The following PLCB4 variants were observed in gnomAD, a reference collection of about 807,000 sequenced individuals.
PLCB4 encodes the protein phospholipase C beta 4.
In PLCB4, 77 loss-of-function variants were observed where a neutral mutation model predicts 178.8. The ratio of observed to expected loss-of-function variants is 0.43; its 90% confidence interval spans 0.36 to 0.52. The LOEUF (loss-of-function observed/expected upper bound fraction) is 0.52, where lower values mean the gene tolerates loss of function less well. Ranked by LOEUF, PLCB4 falls within the 20% of genes least tolerant of loss-of-function variation. The pLI, the probability that PLCB4 is intolerant of heterozygous loss-of-function variation, is 0.00. For missense variants in PLCB4, 1,024 were observed against 1,453.4 expected (o/e 0.70, Z 4.80); for synonymous variants, 496 against 490.8 (o/e 1.01, Z -0.14).
At chr20:9,294,736 C>G (rs146688768) in intron 3 of PLCB4, among the ~76,000 whole-genome samples, 1 of 152,030 alleles carries the variant, frequency 6.6e-6, no homozygotes, top group African/African-American at 2.4e-5. Flanking sequence ...CTGGATACAC[C>G]GTGGATTCCT....
At chr20:9,392,357 C>T (rs1028929511) in intron 17 of PLCB4, among the ~76,000 whole-genome samples, 1 of 152,178 alleles carries the variant, frequency 6.6e-6, no homozygotes, top group African/African-American at 2.4e-5. Flanking sequence ...TTTAAATACC[C>T]TCTAGAGGTT....
In PLCB4 at chr20:9,358,015, G is replaced by T. The variant is rs542299973; in HGVS notation, c.370-4881G>T. 3.9e-5 allele frequency among the ~76,000 whole-genome samples: 6 copies of T among 152,266 alleles called. No homozygotes were observed. The South Asian group carries it at 1.2e-3, about 32-fold the overall frequency. On this transcript the variant is annotated intron_variant, in intron 7 of 39. Coordinates refer to ENST00000378473, the MANE Select transcript of PLCB4 (RefSeq NM_001377142.1). ...ATTCCATGGTTCTGGGATGAGACCT[G>T]GGACTCTGCATTCCTAACAAGCTCC...
At chr20:9,331,261 T>C (rs993715729) in intron 4 of PLCB4, among the ~76,000 whole-genome samples, 2 of 138,392 alleles carry the variant, frequency 1.4e-5, no homozygotes, top group Non-Finnish European at 2.9e-5. Context: ...TCCTAATGTA[T>C]CTGTCCAGTG....
chr20:9,408,701 G>C lies in PLCB4; in HGVS notation c.1858G>C (p.Ala620Pro). ...SVGLGYLKTH[A>P]IEFVNYNKRQ... ...CGGTCTTGGCTACTTGAAGACACAT[G>C]CAATTGAATTTGTCAAGTATCCTTA... Residue 620 changes from alanine to proline, a missense_variant, in exon 23 of 40, where the codon GCA becomes CCA. This residue lies in a region of PLCB4 where 263 missense variants were observed against 417.4 expected (regional missense o/e 0.63). Coordinates refer to ENST00000378473, the MANE Select transcript of PLCB4 (RefSeq NM_001377142.1). 6.4e-7 allele frequency: 1 copy of C among 1,563,542 alleles called. No homozygotes were observed. The highest frequency in any genetic ancestry group is 8.8e-7 in the Non-Finnish European group (1 of 1,134,274).
chr20:9,138,452 T>C (rs2092426819), intron 2 of PLCB4, among the ~76,000 whole-genome samples: 1 of 152,070 alleles, frequency 6.6e-6, no homozygotes, highest in Non-Finnish European at 1.5e-5. Flanking sequence ...TTTTAAATAC[T>C]GAAAAATGTA....
At chr20:9,285,094 C>A (rs550772218) in intron 3 of PLCB4, among the ~76,000 whole-genome samples, 13 of 150,492 alleles carry the variant, frequency 8.6e-5, no homozygotes, top group African/African-American at 3.2e-4. Flanking sequence ...CATCAAAAAA[C>A]AAGGAACTTT....
chr20:9,349,464 A>G (rs1448185550), intron 7 of PLCB4, among the ~76,000 whole-genome samples: 1 of 152,168 alleles, frequency 6.6e-6, no homozygotes, highest in African/African-American at 2.4e-5. Context: ...GTAACCGCAA[A>G]TCCCCATGAT....
chr20:9,429,334 G>A (rs895400784), intron 28 of PLCB4, among the ~76,000 whole-genome samples: 1 of 152,128 alleles, frequency 6.6e-6, no homozygotes, highest in Non-Finnish European at 1.5e-5. Context: ...ATGCCGATCA[G>A]CACTGGAAAT....
intron 9 of PLCB4, among the ~76,000 whole-genome samples, chr20:9,370,722 A>G (rs2036178508): frequency 1.3e-5 from 2 of 151,994 alleles, no homozygotes; most frequent in South Asian, 2.1e-4. Context: ...AGCCTCACCA[A>G]TATGATGAAA....
At chr20:9,414,993 A>G (rs1157904362) in intron 25 of PLCB4, among the ~76,000 whole-genome samples, 4 of 152,176 alleles carry the variant, frequency 2.6e-5, no homozygotes, top group African/African-American at 7.2e-5. Context: ...TGTATTATAT[A>G]TATTGTGGTT....
At chr20:9,193,101 A>G (rs891537365) in intron 2 of PLCB4, among the ~76,000 whole-genome samples, 2 of 152,220 alleles carry the variant, frequency 1.3e-5, no homozygotes, top group Non-Finnish European at 2.9e-5. Context: ...ATATTTATTG[A>G]GCACCTACCA....
intron 2 of PLCB4, among the ~76,000 whole-genome samples, chr20:9,205,713 C>T (rs1056772966): frequency 6.6e-5 from 10 of 152,260 alleles, no homozygotes; most frequent in South Asian, 6.2e-4. Flanking sequence ...CATTATGACA[C>T]GACCACAGTC....
chr20:9,405,872 A>G (rs1001436245), intron 21 of PLCB4, among the ~76,000 whole-genome samples: 1 of 152,372 alleles, frequency 6.6e-6, no homozygotes, highest in East Asian at 1.9e-4. Flanking sequence ...GCTGACAGCC[A>G]CAGGCAGAAG....
At chr20:9,372,618 T>A (rs2148302520) in intron 11 of PLCB4, among the ~76,000 whole-genome samples, 1 of 152,326 alleles carries the variant, frequency 6.6e-6, no homozygotes, top group South Asian at 2.1e-4. Context: ...CCTGGAACTT[T>A]TTTTTGCATT....
At chr20:9,270,595 A>G (rs889214635) in intron 3 of PLCB4, among the ~76,000 whole-genome samples, 3 of 152,092 alleles carry the variant, frequency 2.0e-5, no homozygotes, top group Non-Finnish European at 4.4e-5. Flanking sequence ...CTTTTATTCA[A>G]ACTCTCCATA....
At chr20:9,151,454 A>G (rs759647376) in intron 2 of PLCB4, among the ~76,000 whole-genome samples, 18 of 152,154 alleles carry the variant, frequency 1.2e-4, no homozygotes, top group Middle Eastern at 3.4e-3. Flanking sequence ...TAATTAAATC[A>G]TGGGGGTTGG....
At chr20:9,258,932 T>G (rs1351361047) in intron 3 of PLCB4, among the ~76,000 whole-genome samples, 1 of 151,792 alleles carries the variant, frequency 6.6e-6, no homozygotes, top group Non-Finnish European at 1.5e-5. Flanking sequence ...CAGTGTAAGC[T>G]CAATAAAACA....
rs1232579284 is a variant in PLCB4, at chr20:9,480,035, A to G, written c.*1026A>G. On this transcript the variant is annotated 3_prime_UTR_variant, in exon 40 of 40. Transcript: ENST00000378473. ...CTATATATATATGTGTATATGAATT[A>G]TGTGGGCATTCTTGATACTTCAAGT... is the stretch of plus-strand genomic sequence containing the variant. 1.3e-5 allele frequency: 2 copies of G among 152,642 alleles called. No homozygotes were observed. The highest frequency in any genetic ancestry group is 2.9e-5 in the Non-Finnish European group (2 of 68,036). 9.5% of individuals were successfully genotyped at this position (152,642 alleles called of 1,614,324 possible).
intron 2 of PLCB4, among the ~76,000 whole-genome samples, chr20:9,115,316 A>G (rs6140864): frequency 0.018 from 2,767 of 152,210 alleles, 29 homozygotes; most frequent in South Asian, 0.056. Context: ...TTTAAAATTT[A>G]TTTAAATGAG....
Sources: allele counts gnomAD v4.1 joint callset (sites outside exome capture counted in the v4.1 genomes callset), GRCh38; gene constraint gnomAD v4.1.1; regional missense constraint gnomAD v4.1.1; transcripts MANE v1.5; gene names NCBI Gene and HGNC (gene_info 2026-07-23, HGNC 2026-07-21).